Variants in CSMD1 observed in about 807,000 individuals in gnomAD.
The protein encoded by CSMD1 is CUB and Sushi multiple domains 1.
CSMD1 carries 213 observed loss-of-function variants against 417.5 expected under a neutral mutation model. The observed-to-expected ratio is 0.51, with a 90% CI of 0.46 to 0.57. The LOEUF (loss-of-function observed/expected upper bound fraction) is 0.57, where lower values mean the gene tolerates loss of function less well. Among genes scored for constraint, CSMD1 ranks in the 20% least tolerant of loss-of-function variants. The pLI is 0.00. For missense variants in CSMD1, 6,923 were observed against 4,529.7 expected, an observed-to-expected ratio of 1.53 and a Z score of -15.17; for synonymous variants, 2,862 against 1,736.8, an observed-to-expected ratio of 1.65 and a Z score of -16.11.
chr8:3,490,616 C>T (rs927749994), intron 11 of CSMD1, among the ~76,000 whole-genome samples: 22 of 152,066 alleles, frequency 1.4e-4, no homozygotes, highest in African/African-American at 5.3e-4. Context: ...GTTTATTATA[C>T]ATATTTTATA....
intron 1 of CSMD1, among the ~76,000 whole-genome samples, chr8:4,665,179 C>A (rs1263923774): frequency 6.6e-6 from 1 of 152,086 alleles, no homozygotes; most frequent in Non-Finnish European, 1.5e-5. Flanking sequence ...TTCTGTTTGT[C>A]CATTTGCCAA....
At chr8:4,582,687 C>G (rs893964793) in intron 2 of CSMD1, among the ~76,000 whole-genome samples, 1 of 152,232 alleles carries the variant, frequency 6.6e-6, no homozygotes, top group Admixed American at 6.5e-5. Flanking sequence ...AGCCCTCGCT[C>G]GCTCTCGGCG....
chr8:3,842,469 T>C (rs527335387), intron 5 of CSMD1, among the ~76,000 whole-genome samples: 54 of 152,280 alleles, frequency 3.5e-4, no homozygotes, highest in African/African-American at 1.3e-3. Flanking sequence ...TCATTGTTCA[T>C]TACTAGTATT....
At chr8:3,037,800 C>A (rs1810792097) in intron 50 of CSMD1, among the ~76,000 whole-genome samples, 1 of 152,130 alleles carries the variant, frequency 6.6e-6, no homozygotes, top group Non-Finnish European at 1.5e-5. Flanking sequence ...TATGGGCTCA[C>A]CTGAGAGTGA....
intron 5 of CSMD1, among the ~76,000 whole-genome samples, chr8:3,962,071 C>G (rs1344912535): frequency 1.3e-5 from 2 of 152,202 alleles, no homozygotes; most frequent in African/African-American, 4.8e-5. Flanking sequence ...GACCATCATT[C>G]TCAGAGATAA....
chr8:4,416,733 A>C (rs977400952), intron 3 of CSMD1, among the ~76,000 whole-genome samples: 6 of 152,120 alleles, frequency 3.9e-5, no homozygotes, highest in African/African-American at 1.4e-4. Flanking sequence ...CTCAAGTCTA[A>C]TATGTGTCAG....
intron 40 of CSMD1, among the ~76,000 whole-genome samples, chr8:3,145,414 C>G (rs531872258): frequency 3.9e-5 from 6 of 152,128 alleles, no homozygotes; most frequent in African/African-American, 1.4e-4. Flanking sequence ...CGAAACATAA[C>G]AACTTGCAAG....
chr8:3,966,492 G>A (rs1812685044), intron 5 of CSMD1, among the ~76,000 whole-genome samples: 1 of 151,748 alleles, frequency 6.6e-6, no homozygotes, highest in Non-Finnish European at 1.5e-5. Context: ...TTATTTATTG[G>A]GAGAAACAGG....
chr8:3,992,298 G>A (rs1585094376), intron 5 of CSMD1, among the ~76,000 whole-genome samples: 1 of 152,084 alleles, frequency 6.6e-6, no homozygotes, highest in African/African-American at 2.4e-5. Flanking sequence ...TTGCCTACCT[G>A]GAGTACGCAA....
At chr8:4,942,793 A>T (rs1361023989) in intron 1 of CSMD1, among the ~76,000 whole-genome samples, 2 of 152,254 alleles carry the variant, frequency 1.3e-5, no homozygotes, top group African/African-American at 4.8e-5. Flanking sequence ...AGGGAATTGG[A>T]AACTGCAACT....
intron 2 of CSMD1, among the ~76,000 whole-genome samples, chr8:4,486,258 T>C (rs55980701): frequency 2.3e-4 from 6 of 26,024 alleles, no homozygotes; most frequent in South Asian, 1.3e-3. Context: ...TACATATATA[T>C]ATATATATAT....
At chr8:4,883,194 G>A (rs918600636) in intron 1 of CSMD1, among the ~76,000 whole-genome samples, 1 of 152,042 alleles carries the variant, frequency 6.6e-6, no homozygotes, top group Admixed American at 6.6e-5. Flanking sequence ...TAGAATGCTA[G>A]CAGAACATGA....
chr8:4,487,568 T>C (rs1245238226), intron 2 of CSMD1, among the ~76,000 whole-genome samples: 1 of 152,212 alleles, frequency 6.6e-6, no homozygotes, highest in Non-Finnish European at 1.5e-5. Flanking sequence ...TCTATCATTG[T>C]TGGACATTTG....
intron 3 of CSMD1, among the ~76,000 whole-genome samples, chr8:4,088,712 CA>C: frequency 6.6e-6 from 1 of 152,190 alleles, no homozygotes; most frequent in South Asian, 2.1e-4. Flanking sequence ...TCCCCGACCC[CA>C]AAGCTCTGCA....
chr8:4,850,382 C>CTTTTTTTTTTTTT, intron 1 of CSMD1, among the ~76,000 whole-genome samples: 20 of 77,816 alleles, frequency 2.6e-4, no homozygotes, highest in African/African-American at 3.7e-4. Flanking sequence ...TCCAATTTAT[C>CTTTTTTTTTTTTT]TTTTTTTTTT....
At chr8:4,359,844 G>A (rs975975176) in intron 3 of CSMD1, among the ~76,000 whole-genome samples, 1 of 152,228 alleles carries the variant, frequency 6.6e-6, no homozygotes, top group African/African-American at 2.4e-5. Flanking sequence ...TCGGAAGCAA[G>A]ACTCAGTGCA....
At chr8:3,685,347 C>T (rs1799892761) in intron 7 of CSMD1, among the ~76,000 whole-genome samples, 1 of 152,144 alleles carries the variant, frequency 6.6e-6, no homozygotes, top group Admixed American at 6.5e-5. Flanking sequence ...CTTCATTACA[C>T]ATCATCAAAC....
rs200994813 is a variant in CSMD1, at chr8:3,270,046, CT to C, written c.4153+14097del. ...GAGCAAGGACTTTCTCTAACCTCTTCTTTTTTTTTTTTTTTTTTTTTGAGAT... is the reference window on the plus strand; with the variant it reads ...GAGCAAGGACTTTCTCTAACCTCTTCTTTTTTTTTTTTTTTTTTTTGAGAT... On this transcript the variant is annotated intron_variant, in intron 26 of 69. Transcript: ENST00000635120. 9.0e-3 allele frequency among the ~76,000 whole-genome samples: 1,067 copies of C among 118,296 alleles called. 3 individuals are homozygous for C. The highest frequency in any genetic ancestry group is 0.016 in the East Asian group (68 of 4,384). 77.6% of individuals were successfully genotyped at this position (118,296 alleles called of 152,430 possible). A position where few individuals can be genotyped will look rare whatever the true frequency, so the allele number is the denominator to read the frequency against.
At chr8:4,985,616 C>A (rs1296305969) in intron 1 of CSMD1, among the ~76,000 whole-genome samples, 2 of 152,172 alleles carry the variant, frequency 1.3e-5, no homozygotes, top group Middle Eastern at 3.2e-3. Flanking sequence ...CTACCCAGAT[C>A]ACATTAATCA....
Sources: allele counts gnomAD v4.1 joint callset (sites outside exome capture counted in the v4.1 genomes callset), GRCh38; gene constraint gnomAD v4.1.1; transcripts MANE v1.5; gene names NCBI Gene and HGNC (gene_info 2026-07-23, HGNC 2026-07-21).